Variants in TCIRG1 observed in about 807,000 individuals in gnomAD.
The protein encoded by TCIRG1 is T cell immune regulator 1, ATPase H+ transporting V0 subunit a3, also known as V-type proton ATPase 116 kDa subunit a 3.
A neutral mutation model predicts 95.5 loss-of-function variants in TCIRG1; 86 were observed. The ratio of observed to expected loss-of-function variants is 0.90; its 90% CI spans 0.76 to 1.08. TCIRG1 has a LOEUF of 1.08. TCIRG1 is among the 50% of genes least tolerant of loss of function. The pLI, the probability that TCIRG1 is intolerant of heterozygous loss-of-function variation, is 0.00. For synonymous variants in TCIRG1, 499 were observed against 501.3 expected, an observed-to-expected ratio of 1.00 and a Z score of 0.06; for missense variants, 1,069 against 1,140.2, an observed-to-expected ratio of 0.94 and a Z score of 0.90.
In TCIRG1 at chr11:68,047,530, C is replaced by T; in HGVS notation, c.1263C>T (p.Val421=). ...LLMFLFALAM[V]LAENRPAVKA... ...TGTTCCTGTTCGCCCTGGCCATGGT[C>T]CTTGCGGAGAACCGACCGGCTGTGA... Residue 421 remains valine (V), a synonymous_variant, in exon 11 of 20, where the codon GTC becomes GTT. Coordinates refer to ENST00000265686, the MANE Select transcript of TCIRG1 (RefSeq NM_006019.4). 1 of 1,613,996 alleles carries T rather than the reference C, an allele frequency of 6.2e-7. No homozygotes were observed. Among genetic ancestry groups the T allele is most frequent in the Non-Finnish European group, 8.5e-7 (1 of 1,180,004 alleles).
Position 68,043,037 on chromosome 11 carries a change from T to A in TCIRG1, c.503+6T>A. ...CACCAGGACCTGAGGGTCAAGTGAG[T>A]GAGGGATGACCTCATGCCCTTTCTG... is the stretch of plus-strand genomic sequence containing the variant. On this transcript the variant is annotated splice_donor_region_variant and intron_variant, in intron 5 of 19. Coordinates refer to ENST00000265686, the MANE Select transcript of TCIRG1 (RefSeq NM_006019.4). 1 of 1,549,092 alleles carries A rather than the reference T, an allele frequency of 6.5e-7. No individual in the cohort carries two copies. Among genetic ancestry groups the A allele is most frequent in the Non-Finnish European group, 8.7e-7 (1 of 1,146,740 alleles).
rs1009768262 is a variant in TCIRG1 at position 68,043,835 on chromosome 11, G to T, written c.735G>T (p.Pro245=). Residue 245 remains proline, a synonymous_variant, in exon 8 of 20, where the codon CCG becomes CCT. Coordinates refer to ENST00000265686, the MANE Select transcript of TCIRG1 (RefSeq NM_006019.4). ...ITDCFHCHVF[P]FLQQEEARLG... is the part of the protein sequence containing the mutation. ...CCAGCTTCCACTGCCACGTCTTCCCGTTTCTGCAGCAGGAGGAGGCCCGCC... is the reference window on the plus strand; with the variant it reads ...CCAGCTTCCACTGCCACGTCTTCCCTTTTCTGCAGCAGGAGGAGGCCCGCC... The T allele has an allele frequency of 1.9e-6, 3 of 1,562,620 alleles. No individual in the cohort carries two copies. In the Admixed American group the frequency reaches 5.7e-5, roughly 30 times the overall value.
At chr11:68,045,623 G>A (rs1384584203) in intron 10 of TCIRG1, among the ~76,000 whole-genome samples, 2 of 151,340 alleles carry the variant, frequency 1.3e-5, no homozygotes, top group African/African-American at 2.4e-5. Flanking sequence ...GCATGATCTC[G>A]GCTCACTGAA....
rs139397145 is a variant in TCIRG1, at chr11:68,041,353, C to G, written c.82C>G (p.Arg28Gly). The change falls in exon 2 of 20, where the codon CGG becomes GGG. Residue 28 changes from arginine (R) to glycine (G), a missense_variant. Physicochemically the swap from Arg to Gly is moderately radical, Grantham distance 125. Transcript: ENST00000265686. ...AGCGGCTGCCTACACCTGCGTGAGT[C>G]GGCTGGGCGAGCTGGGCCTCGTGGA... ...PTAAAYTCVS[R>G]LGELGLVEFR... 2.7e-5 allele frequency: 43 copies of G among 1,612,850 alleles called. No individual in the cohort carries two copies. The highest frequency in any genetic ancestry group is 3.6e-5 in the Non-Finnish European group (43 of 1,179,810).
Position 68,047,696 on chromosome 11 carries a change from T to C in TCIRG1, c.1355T>C (p.Leu452Pro). 6.2e-7 allele frequency: 1 copy of C among 1,612,522 alleles called. No individual in the cohort carries two copies. Among genetic ancestry groups the C allele is most frequent in the Non-Finnish European group, 8.5e-7 (1 of 1,179,666 alleles). ...RGRYLLLLMG[L>P]FSIYTGFIYN... ...CGCTACCTGCTCCTGCTTATGGGCC[T>C]GTTCTCCATCTACACCGGCTTCATC... The change falls in exon 12 of 20, where the codon CTG becomes CCG. Residue 452 changes from leucine to proline, a missense_variant. Physicochemically the swap from Leu to Pro is moderately conservative, Grantham distance 98. Transcript: ENST00000265686.
chr11:68,040,043 GT>G (rs1411308750), intron 1 of TCIRG1: 1 of 152,696 alleles, frequency 6.5e-6, no homozygotes, highest in Non-Finnish European at 1.5e-5. Context: ...TGTCAGTGGA[GT>G]CCTGTATGAA....
intron 2 of TCIRG1, 136 bp from the exon 3 acceptor site, chr11:68,041,617 C>T: frequency 2.5e-6 from 2 of 793,600 alleles, no homozygotes. Flanking sequence ...TGATCTGCGT[C>T]TTGTGGCTCC....
rs1017992764 is a variant in TCIRG1 at position 68,049,160 on chromosome 11, G to A, written c.1753G>A (p.Val585Met). 18 of 1,613,862 alleles carry A rather than the reference G, an allele frequency of 1.1e-5. No individual in the cohort carries two copies. In the African/African-American group the frequency reaches 1.2e-4, roughly 11 times the overall value. Residue 585 changes from valine to methionine, a missense_variant, in exon 15 of 20, where the codon GTG becomes ATG. Coordinates refer to ENST00000265686, the MANE Select transcript of TCIRG1 (RefSeq NM_006019.4). ...TFLLGLFGYL[V>M]FLVIYKWLCV... ...CCTGCTGGGACTCTTCGGTTACCTC[G>A]TGTTCCTAGTCATCTACAAGTGGCT...
At position 68,044,238 on chromosome 11, in the gene TCIRG1, C is replaced by A. The variant is rs1329452774; in HGVS notation, c.914C>A (p.Ala305Asp). 4 of 1,596,262 alleles carry A rather than the reference C, an allele frequency of 2.5e-6. No homozygotes were observed. The East Asian group carries it at 9.1e-5, about 36-fold the overall frequency. ...QVHKMKAVYL[A>D]LNQCSVSTTH... ...CACAAGATGAAGGCCGTGTACCTGG[C>A]CCTGAACCAGTGCAGCGTGAGCACC... Residue 305 changes from alanine (A) to aspartate (D), a missense_variant, in exon 9 of 20, where the codon GCC becomes GAC. Transcript: ENST00000265686.
At chr11:68,052,052 T>TGGGGCATGGACATAGG (rs1040614168), downstream of TCIRG1, 2 of 152,554 alleles carry the variant, frequency 1.3e-5, no homozygotes, top group Non-Finnish European at 2.9e-5. Context: ...TGGGCACCTC[T>TGGGGCATGGACATAGG]GGGGCATGGA....
rs79086102 is a variant in TCIRG1 at position 68,040,963 on chromosome 11, G to C, written c.-4-305G>C. 5.7e-3 allele frequency among the ~76,000 whole-genome samples: 871 copies of C among 152,294 alleles called. 44 individuals are homozygous for C. In the East Asian group the frequency reaches 0.13, roughly 22 times the overall value. ...GAGGAGGGAGGCCAGAGTGAAGGTG[G>C]GGGTGGAGCCGGTGTCACTGGGAGA... On this transcript the variant is annotated intron_variant, in intron 1 of 19. Transcript: ENST00000265686.
rs1226998431 is a variant in TCIRG1 at position 68,044,263 on chromosome 11, C to G, written c.939C>G (p.Thr313=). ...CCCTGAACCAGTGCAGCGTGAGCAC[C>G]ACGCACAAGTGCCTCATTGCCGAGG... ...YLALNQCSVS[T]THKCLIAEAW... is the part of the protein sequence containing the mutation. The change falls in exon 9 of 20, where the codon ACC becomes ACG. Residue 313 remains threonine (T), a synonymous_variant. Transcript: ENST00000265686. The G allele has an allele frequency of 2.5e-6, 4 of 1,604,004 alleles. No homozygotes were observed. In the African/African-American group the frequency reaches 5.3e-5, roughly 21 times the overall value.
Position 68,041,755 on chromosome 11 carries a change from C to T in TCIRG1, c.120C>T (p.Leu40=), listed in dbSNP as rs754342261. ...ACCCCTCCGTGTGGCACCCACAGCT[C>T]AACGCCTCGGTGAGCGCCTTCCAGA... ...GELGLVEFRD[L]NASVSAFQRR... Residue 40 remains leucine (L), a splice_region_variant and synonymous_variant, in exon 3 of 20, where the codon CTC becomes CTT. Transcript: ENST00000265686. 1.9e-6 allele frequency: 3 copies of T among 1,608,180 alleles called. No individual in the cohort carries two copies. Among genetic ancestry groups the T allele is most frequent in the South Asian group, 1.1e-5 (1 of 89,938 alleles).
rs2134440409 is a variant in TCIRG1, at chr11:68,043,904, G to A, written c.804G>A (p.Gln268=). The A allele has an allele frequency of 2.6e-6, 4 of 1,550,064 alleles. No individual in the cohort carries two copies. The highest frequency in any genetic ancestry group is 3.5e-6 in the Non-Finnish European group (4 of 1,148,476). ...TGCAACAGCAGAGCCAGGAGCTGCAGGAGGTGGGTGCCCCCGGCCTTCCGG... is the reference window on the plus strand; with the variant it reads ...TGCAACAGCAGAGCCAGGAGCTGCAAGAGGTGGGTGCCCCCGGCCTTCCGG... ...QQLQQQSQEL[Q]EVLGETERFL... The change falls in exon 8 of 20, where the codon CAG becomes CAA. Residue 268 remains glutamine (Q), a synonymous_variant. Coordinates refer to ENST00000265686, the MANE Select transcript of TCIRG1 (RefSeq NM_006019.4).
chr11:68,041,299 G>A lies in TCIRG1; in HGVS notation c.28G>A (p.Val10Met). ...GGGCTCCATGTTCCGGAGCGAGGAG[G>A]TGGCCCTGGTCCAGCTCTTTCTGCC... MGSMFRSEEVALVQLFLPTA... is the reference protein window; with the variant it reads MGSMFRSEEMALVQLFLPTA... Residue 10 changes from valine (V) to methionine (M), a missense_variant, in exon 2 of 20, where the codon GTG (valine) becomes ATG (methionine). Val to Met is a conservative substitution (Grantham distance 21). Coordinates refer to ENST00000265686, the MANE Select transcript of TCIRG1 (RefSeq NM_006019.4). 6.2e-7 allele frequency: 1 copy of A among 1,613,088 alleles called. No individual in the cohort carries two copies. The highest frequency in any genetic ancestry group is 8.5e-7 in the Non-Finnish European group (1 of 1,179,910).
intron 19 of TCIRG1, 30 bp from the exon 20 acceptor site, chr11:68,050,701 GTGAGTTCCCC>G: frequency 6.2e-7 from 1 of 1,613,702 alleles, no homozygotes; most frequent in Non-Finnish European, 8.5e-7. Context: ...TGCTCAAGGC[GTGAGTTCCCC>G]TCACCAACCC....
At position 68,047,865 on chromosome 11, in the gene TCIRG1, C is replaced by A. The variant is rs748821850; in HGVS notation, c.1464-17C>A. The A allele has an allele frequency of 1.2e-6, 2 of 1,613,186 alleles. No homozygotes were observed. On this transcript the variant is annotated splice_polypyrimidine_tract_variant and intron_variant, in intron 12 of 19. Coordinates refer to ENST00000265686, the MANE Select transcript of TCIRG1 (RefSeq NM_006019.4). ...CAGCACCCGCAGCCCTGACCGCCCT[C>A]CCCTGCGTTGCCGCAGTGATGCATT...
At chr11:68,050,285 C>T in intron 18 of TCIRG1, 31 bp downstream of exon 18, 2 of 1,603,886 alleles carry the variant, frequency 1.2e-6, no homozygotes, top group Non-Finnish European at 1.7e-6. Flanking sequence ...CGGCTGGCCC[C>T]AGCTCCTGGC....
intron 9 of TCIRG1, 152 bp downstream of exon 9, chr11:68,044,496 G>A: frequency 1.4e-6 from 1 of 693,032 alleles, no homozygotes; most frequent in East Asian, 2.7e-5. Context: ...ACCGCTTCCA[G>A]GGAGTCTGCC....
Sources: gnomAD v4.1 joint callset for allele counts (sites outside exome capture counted in the v4.1 genomes callset) on GRCh38, gnomAD v4.1.1 for gene constraint, MANE v1.5 for transcripts, NCBI Gene and HGNC (gene_info 2026-07-23, HGNC 2026-07-21) for gene names.